PCSK5: variants seen among roughly 807,000 people sequenced by gnomAD.
The protein encoded by PCSK5 is prohormone convertase 5.
In PCSK5, 129 loss-of-function variants were observed where a neutral mutation model predicts 233.2. The ratio of observed to expected loss-of-function variants is 0.55; its 90% CI spans 0.48 to 0.64. The LOEUF is 0.64. Ranked by LOEUF, PCSK5 falls within the 30% of genes least tolerant of loss-of-function variation. PCSK5 has a pLI of 0.00. For missense variants in PCSK5, 2,076 were observed against 2,430.1 expected (o/e 0.85, Z 3.06); for synonymous variants, 825 against 879.2 (o/e 0.94, Z 1.09).
chr9:76,028,913 T>C (rs996591029), intron 5 of PCSK5, among the ~76,000 whole-genome samples: 2 of 152,104 alleles, frequency 1.3e-5, no homozygotes, highest in Non-Finnish European at 2.9e-5. Flanking sequence ...GAGGAGTCGG[T>C]TGGGTCTGAT....
intron 2 of PCSK5, among the ~76,000 whole-genome samples, chr9:75,985,689 T>C (rs1320101887): frequency 6.6e-6 from 1 of 152,190 alleles, no homozygotes; most frequent in Non-Finnish European, 1.5e-5. Context: ...TCTACAGTGC[T>C]GCAATGGCAA....
At chr9:76,169,640 G>C (rs1361529971) in intron 12 of PCSK5, 64 bp from the exon 13 acceptor site, 1 of 1,506,842 alleles carries the variant, frequency 6.6e-7, no homozygotes, top group Non-Finnish European at 9.2e-7. Flanking sequence ...TGTCGATTGT[G>C]GTATTAACTA....
At chr9:76,119,063 G>A (rs1446572807) in intron 9 of PCSK5, among the ~76,000 whole-genome samples, 5 of 151,892 alleles carry the variant, frequency 3.3e-5, no homozygotes, top group South Asian at 2.1e-4. Flanking sequence ...TCAAGTTTTT[G>A]TGGGTGCTGT....
At chr9:76,079,900 T>C (rs1431857888) in intron 7 of PCSK5, among the ~76,000 whole-genome samples, 13 of 152,158 alleles carry the variant, frequency 8.5e-5, no homozygotes, top group Non-Finnish European at 4.4e-5. Context: ...ATTGAAATAT[T>C]TTTCTGTCTC....
intron 9 of PCSK5, among the ~76,000 whole-genome samples, chr9:76,110,539 A>G (rs989981278): frequency 6.6e-6 from 1 of 152,130 alleles, no homozygotes; most frequent in African/African-American, 2.4e-5. Context: ...AAACCTTCCC[A>G]GGAAACTAAG....
At chr9:76,123,698 T>C (rs1487097336) in intron 9 of PCSK5, among the ~76,000 whole-genome samples, 1 of 152,216 alleles carries the variant, frequency 6.6e-6, no homozygotes, top group East Asian at 1.9e-4. Context: ...AAATTTTGAG[T>C]TATTCATAAA....
chr9:76,169,115 CCA>C (rs1425186147), intron 12 of PCSK5, among the ~76,000 whole-genome samples: 1 of 152,132 alleles, frequency 6.6e-6, no homozygotes, highest in African/African-American at 2.4e-5. Context: ...CATGCAGAAT[CCA>C]CAGATACAGA....
intron 2 of PCSK5, among the ~76,000 whole-genome samples, chr9:75,974,715 A>G (rs1050163470): frequency 3.9e-5 from 6 of 152,102 alleles, no homozygotes; most frequent in African/African-American, 1.2e-4. Context: ...GTCCCTTATC[A>G]TTTCTCTCTG....
rs1014900870 is a variant in PCSK5, at chr9:76,339,662, A to G, written c.4966+1215A>G. Among the ~76,000 whole-genome samples, 2 of 152,070 alleles carry G rather than the reference A, an allele frequency of 1.3e-5. 1 individual carries two copies. Among genetic ancestry groups the G allele is most frequent in the South Asian group, 4.1e-4 (2 of 4,826 alleles). On this transcript the variant is annotated intron_variant, in intron 35 of 37. Transcript: ENST00000674117. ...CAGGATCAAGCGATTCTCCTGCCTCAGCCTCCTAAGTAGCTGGGATTACAG... is the reference window on the plus strand; with the variant it reads ...CAGGATCAAGCGATTCTCCTGCCTCGGCCTCCTAAGTAGCTGGGATTACAG...
At chr9:76,071,100 A>G (rs985398519) in intron 6 of PCSK5, among the ~76,000 whole-genome samples, 1 of 152,226 alleles carries the variant, frequency 6.6e-6, no homozygotes, top group Non-Finnish European at 1.5e-5. Flanking sequence ...TATCTGTTTG[A>G]TAGAAATATA....
intron 9 of PCSK5, among the ~76,000 whole-genome samples, chr9:76,129,158 C>T (rs766323395): frequency 2.7e-4 from 41 of 152,128 alleles, no homozygotes; most frequent in Non-Finnish European, 4.6e-4. Context: ...TCCAGCTCAC[C>T]ATGAATCTGT....
At chr9:76,061,261 AC>A (rs1472183758) in intron 5 of PCSK5, among the ~76,000 whole-genome samples, 1 of 152,160 alleles carries the variant, frequency 6.6e-6, no homozygotes, top group Non-Finnish European at 1.5e-5. Flanking sequence ...ATTTTCACAA[AC>A]TTGGCCATTG....
intron 20 of PCSK5, chr9:76,209,472 A>G: frequency 2.0e-6 from 1 of 508,432 alleles, no homozygotes; most frequent in Non-Finnish European, 3.9e-6. Context: ...TTTGCCTACT[A>G]CTGTATCTCA....
At position 75,986,215 on chromosome 9, in the gene PCSK5, T is replaced by C; in HGVS notation, c.381T>C (p.Asn127=). The C allele has an allele frequency of 6.2e-7, 1 of 1,612,244 alleles. No individual in the cohort carries two copies. The highest frequency in any genetic ancestry group is 8.5e-7 in the Non-Finnish European group (1 of 1,178,248). The change falls in exon 3 of 38, where the codon AAT becomes AAC. Residue 127 remains asparagine, a synonymous_variant. Coordinates refer to ENST00000674117, the MANE Select transcript of PCSK5 (RefSeq NM_001372043.1). ...GTCGTGCCCAGTCTACCTATTTCAA[T>C]GATCCCAAGTGGCCCAGCATGTGGT... The part of the protein sequence containing the change: ...DFSRAQSTYF[N]DPKWPSMWYM...
At chr9:76,351,473 A>AAAG (rs1554724773) in intron 36 of PCSK5, among the ~76,000 whole-genome samples, 1 of 78,406 alleles carries the variant, frequency 1.3e-5, no homozygotes, top group African/African-American at 4.2e-5. Flanking sequence ...AGAAAGAAAG[A>AAAG]AAGAAAGAAA....
intron 8 of PCSK5, among the ~76,000 whole-genome samples, chr9:76,096,402 A>C (rs1460155324): frequency 6.6e-6 from 1 of 152,160 alleles, no homozygotes; most frequent in Non-Finnish European, 1.5e-5. Flanking sequence ...AGTGGCAGAG[A>C]AGAGACTGGA....
intron 20 of PCSK5, among the ~76,000 whole-genome samples, chr9:76,225,256 A>G (rs904475928): frequency 6.6e-6 from 1 of 152,158 alleles, no homozygotes; most frequent in Non-Finnish European, 1.5e-5. Context: ...GGGTCTTTTT[A>G]ATTTGTATGT....
intron 5 of PCSK5, among the ~76,000 whole-genome samples, chr9:76,043,274 T>G (rs889483900): frequency 1.4e-5 from 2 of 140,024 alleles, no homozygotes; most frequent in African/African-American, 5.3e-5. Context: ...AGGTGGAGCT[T>G]GCAGTGAGCC....
At chr9:76,322,079 A>G (rs1045835625) in intron 31 of PCSK5, among the ~76,000 whole-genome samples, 3 of 152,066 alleles carry the variant, frequency 2.0e-5, no homozygotes, top group African/African-American at 7.2e-5. Flanking sequence ...CCTCCAGAGT[A>G]GCTGGGATTA....
Sources: allele counts gnomAD v4.1 joint callset (sites outside exome capture counted in the v4.1 genomes callset), GRCh38; gene constraint gnomAD v4.1.1; transcripts MANE v1.5; gene names NCBI Gene and HGNC (gene_info 2026-07-23, HGNC 2026-07-21).